The following ZMAT4 variants were observed in gnomAD, a reference collection of about 807,000 sequenced individuals.
The protein encoded by ZMAT4 is zinc finger matrin-type protein 4.
ZMAT4 carries 17 observed loss-of-function variants against 28.7 expected under a neutral mutation model. The observed-to-expected ratio is 0.59, with a 90% confidence interval of 0.41 to 0.89. The LOEUF (loss-of-function observed/expected upper bound fraction) is 0.89. ZMAT4 is among the 40% of genes least tolerant of loss of function. The probability of loss-of-function intolerance (pLI) is 0.00; values close to 1 mark genes in which losing one functional copy is unlikely to be tolerated. For synonymous variants in ZMAT4, 117 were observed against 109.2 expected, an observed-to-expected ratio of 1.07 and a Z score of -0.44; for missense variants, 240 against 283.8, an observed-to-expected ratio of 0.85 and a Z score of 1.11.
At chr8:40,735,237 C>T (rs1412921527) in intron 3 of ZMAT4, among the ~76,000 whole-genome samples, 1 of 152,188 alleles carries the variant, frequency 6.6e-6, no homozygotes, top group Non-Finnish European at 1.5e-5. Context: ...ATGAGATACC[C>T]ATTACTTAAG....
At chr8:40,788,462 G>A (rs1369545161) in intron 2 of ZMAT4, among the ~76,000 whole-genome samples, 3 of 152,134 alleles carry the variant, frequency 2.0e-5, no homozygotes, top group Non-Finnish European at 2.9e-5. Context: ...GCGGGTGCCT[G>A]TAGTCCCAGC....
rs567127068 is a variant in ZMAT4 at position 40,648,416 on chromosome 8, G to A, written c.577+26288C>T. ...ATGAGCAAAGCCTCCAAGAAATATG[G>A]GACTATGTGAAAAGACCAAATCTAC... is the stretch of plus-strand genomic sequence containing the variant. On this transcript the variant is annotated intron_variant, in intron 5 of 6. Transcript: ENST00000297737. 4.2e-3 allele frequency among the ~76,000 whole-genome samples: 629 copies of A among 150,236 alleles called. 7 individuals are homozygous for A. Among genetic ancestry groups the A allele is most frequent in the African/African-American group, 0.015 (599 of 40,854 alleles).
intron 3 of ZMAT4, among the ~76,000 whole-genome samples, chr8:40,736,150 T>C (rs887435505): frequency 2.6e-5 from 4 of 152,158 alleles, no homozygotes; most frequent in Non-Finnish European, 5.9e-5. Flanking sequence ...AACCTCACCT[T>C]ATCTCCTAGG....
intron 1 of ZMAT4, among the ~76,000 whole-genome samples, chr8:40,873,626 G>C (rs1817938945): frequency 6.6e-6 from 1 of 152,132 alleles, no homozygotes; most frequent in Non-Finnish European, 1.5e-5. Flanking sequence ...ACAAAGCTAG[G>C]TCATCCAGCA....
chr8:40,841,639 T>C, intron 1 of ZMAT4, among the ~76,000 whole-genome samples: 1 of 152,188 alleles, frequency 6.6e-6, no homozygotes, highest in East Asian at 1.9e-4. Context: ...GCTCTTCCTC[T>C]AGACTGTGAG....
At chr8:40,680,351 C>G (rs1809102388) in intron 4 of ZMAT4, among the ~76,000 whole-genome samples, 2 of 152,026 alleles carry the variant, frequency 1.3e-5, no homozygotes, top group Non-Finnish European at 2.9e-5. Flanking sequence ...GGGGCTAAAA[C>G]AAGGAAAGTC....
At chr8:40,806,708 C>T (rs7836134) in intron 2 of ZMAT4, among the ~76,000 whole-genome samples, 66,181 of 151,732 alleles carry the variant, frequency 0.44, 15,106 homozygotes, top group Middle Eastern at 0.59. Flanking sequence ...TTGCTACATA[C>T]ATCCTTCTCA....
intron 1 of ZMAT4, among the ~76,000 whole-genome samples, chr8:40,881,613 G>GAAA (rs1818276478): frequency 6.8e-6 from 1 of 146,198 alleles, no homozygotes; most frequent in Non-Finnish European, 1.5e-5. Context: ...GAAAAGAAAA[G>GAAA]AGAGAGAGAA....
chr8:40,579,918 G>T (rs982115330), intron 6 of ZMAT4, among the ~76,000 whole-genome samples: 1 of 151,982 alleles, frequency 6.6e-6, no homozygotes, highest in Admixed American at 6.6e-5. Flanking sequence ...TAAAGCTCCG[G>T]GTGCACACGT....
At chr8:40,583,474 T>C (rs1473471735) in intron 5 of ZMAT4, among the ~76,000 whole-genome samples, 2 of 152,172 alleles carry the variant, frequency 1.3e-5, no homozygotes, top group Admixed American at 6.5e-5. Context: ...TTCACCTGGC[T>C]AATCTAGGTG....
chr8:40,636,745 T>A (rs1423512026), intron 5 of ZMAT4, among the ~76,000 whole-genome samples: 1 of 152,150 alleles, frequency 6.6e-6, no homozygotes, highest in Non-Finnish European at 1.5e-5. Context: ...GACGATCAAG[T>A]AGCAGCCTAA....
At chr8:40,608,968 A>T (rs1805698551) in intron 5 of ZMAT4, among the ~76,000 whole-genome samples, 1 of 152,074 alleles carries the variant, frequency 6.6e-6, no homozygotes, top group African/African-American at 2.4e-5. Context: ...GGGTCTGTGG[A>T]TTCTCTTGGC....
chr8:40,815,133 G>A (rs1815478565), intron 2 of ZMAT4, among the ~76,000 whole-genome samples: 1 of 151,998 alleles, frequency 6.6e-6, no homozygotes, highest in African/African-American at 2.4e-5. Context: ...AAATTAGCCG[G>A]GTGTGGTGCT....
intron 1 of ZMAT4, among the ~76,000 whole-genome samples, chr8:40,847,371 G>A (rs745657163): frequency 6.6e-6 from 1 of 152,122 alleles, no homozygotes; most frequent in Non-Finnish European, 1.5e-5. Flanking sequence ...CCAGGAAAGC[G>A]CTCCTCAAAC....
intron 3 of ZMAT4, among the ~76,000 whole-genome samples, chr8:40,725,050 GT>G (rs1382753597): frequency 6.6e-6 from 1 of 152,166 alleles, no homozygotes; most frequent in African/African-American, 2.4e-5. Flanking sequence ...TGACTTGCAA[GT>G]AAACCACTTT....
At chr8:40,819,330 C>T (rs1419718714) in intron 2 of ZMAT4, among the ~76,000 whole-genome samples, 1 of 152,158 alleles carries the variant, frequency 6.6e-6, no homozygotes, top group African/African-American at 2.4e-5. Flanking sequence ...AAAACTATCA[C>T]CCATAACCCA....
intron 1 of ZMAT4, among the ~76,000 whole-genome samples, chr8:40,891,828 G>A (rs1195984506): frequency 6.6e-6 from 1 of 152,178 alleles, no homozygotes; most frequent in East Asian, 1.9e-4. Context: ...TCCTCTTGAT[G>A]CCTAGCTCAT....
chr8:40,872,451 G>A (rs1817894868), intron 1 of ZMAT4, among the ~76,000 whole-genome samples: 1 of 152,162 alleles, frequency 6.6e-6, no homozygotes, highest in South Asian at 2.1e-4. Flanking sequence ...CCCAACCCTG[G>A]AGAAGGAGAG....
intron 5 of ZMAT4, among the ~76,000 whole-genome samples, chr8:40,663,609 G>A (rs1016712896): frequency 6.6e-6 from 1 of 152,142 alleles, no homozygotes; most frequent in African/African-American, 2.4e-5. Flanking sequence ...ACAGGAACAT[G>A]AGCCATTTAA....
Sources: gnomAD v4.1 joint callset for allele counts (sites outside exome capture counted in the v4.1 genomes callset) on GRCh38, gnomAD v4.1.1 for gene constraint, MANE v1.5 for transcripts, NCBI Gene and HGNC (gene_info 2026-07-23, HGNC 2026-07-21) for gene names.